PLXNA2: variants seen among roughly 807,000 people sequenced by gnomAD.
PLXNA2 encodes plexin A2.
PLXNA2 carries 91 observed loss-of-function variants against 193.5 expected under a neutral mutation model. The observed-to-expected ratio is 0.47, with a 90% confidence interval of 0.40 to 0.56. PLXNA2 has a LOEUF of 0.56. PLXNA2 is among the 20% of genes least tolerant of loss of function. PLXNA2 has a pLI of 0.00. For missense variants in PLXNA2, 1,995 were observed against 2,503.2 expected, an observed-to-expected ratio of 0.80 and a Z score of 4.33; for synonymous variants, 997 against 1,027.3, an observed-to-expected ratio of 0.97 and a Z score of 0.56.
chr1:208,194,941 T>C (rs1558238276), intron 3 of PLXNA2, among the ~76,000 whole-genome samples: 1 of 152,180 alleles, frequency 6.6e-6, no homozygotes, highest in Non-Finnish European at 1.5e-5. Flanking sequence ...AAAGGTGGTA[T>C]AAATACATAT....
At chr1:208,222,919 C>T (rs1380925562) in intron 1 of PLXNA2, among the ~76,000 whole-genome samples, 2 of 152,186 alleles carry the variant, frequency 1.3e-5, no homozygotes, top group South Asian at 2.1e-4. Flanking sequence ...TCAACATCAT[C>T]GTCACCTCCA....
chr1:208,163,807 T>C (rs1261940266), intron 3 of PLXNA2, among the ~76,000 whole-genome samples: 1 of 152,182 alleles, frequency 6.6e-6, no homozygotes, highest in Non-Finnish European at 1.5e-5. Flanking sequence ...ATCCTTTGTT[T>C]TGTTGAGTTT....
At chr1:208,041,613 G>GC (rs1664872914) in intron 22 of PLXNA2, among the ~76,000 whole-genome samples, 1 of 152,260 alleles carries the variant, frequency 6.6e-6, no homozygotes, top group Non-Finnish European at 1.5e-5. Context: ...TTAGAAAGCG[G>GC]CTAGGTGCTA....
At chr1:208,129,628 C>T (rs1668086986) in intron 4 of PLXNA2, among the ~76,000 whole-genome samples, 1 of 152,212 alleles carries the variant, frequency 6.6e-6, no homozygotes, top group South Asian at 2.1e-4. Context: ...TTTTATTCCA[C>T]TGGGTGAGCC....
intron 12 of PLXNA2, among the ~76,000 whole-genome samples, chr1:208,070,194 C>G (rs1160203931): frequency 6.6e-6 from 1 of 152,276 alleles, no homozygotes; most frequent in East Asian, 1.9e-4. Context: ...CTTCCCATCT[C>G]TGCAGCAGGC....
intron 3 of PLXNA2, among the ~76,000 whole-genome samples, chr1:208,181,237 C>T (rs2102547418): frequency 6.6e-6 from 1 of 152,296 alleles, no homozygotes; most frequent in East Asian, 1.9e-4. Context: ...GAGCCTTTTC[C>T]TTCTGAGCAA....
At chr1:208,224,686 T>C (rs1671458986) in intron 1 of PLXNA2, among the ~76,000 whole-genome samples, 1 of 152,014 alleles carries the variant, frequency 6.6e-6, no homozygotes, top group African/African-American at 2.4e-5. Context: ...GGCTATACCT[T>C]GCCCCAGAGT....
Position 208,045,436 on chromosome 1 carries a change from T to C in PLXNA2, c.3496-226A>G, listed in dbSNP as rs185618319. 1.1e-4 allele frequency among the ~76,000 whole-genome samples: 16 copies of C among 151,978 alleles called. No individual in the cohort carries two copies. The South Asian group carries it at 1.2e-3, about 12-fold the overall frequency. On this transcript the variant is annotated intron_variant, in intron 18 of 31. Transcript: ENST00000367033. ...AAAATGAAGAAGAGAGTGGGAAAAA[T>C]GCAGAGGAGACAAAACACTAAACAA...
At chr1:208,122,190 C>T (rs370612614) in intron 4 of PLXNA2, among the ~76,000 whole-genome samples, 26 of 152,276 alleles carry the variant, frequency 1.7e-4, no homozygotes, top group East Asian at 3.9e-4. Context: ...CACCCATAAA[C>T]GGCTATAAAT....
At chr1:208,208,110 T>C (rs1006297434) in intron 3 of PLXNA2, among the ~76,000 whole-genome samples, 1 of 152,264 alleles carries the variant, frequency 6.6e-6, no homozygotes, top group African/African-American at 2.4e-5. Context: ...CATGGAGATA[T>C]GGGGAAAGTC....
intron 8 of PLXNA2, among the ~76,000 whole-genome samples, chr1:208,093,948 C>A (rs1000361533): frequency 7.9e-5 from 12 of 152,200 alleles, no homozygotes; most frequent in African/African-American, 1.9e-4. Flanking sequence ...TCTGGCGCCA[C>A]CTGGTGGGGC....
chr1:208,165,096 T>G (rs931263832), intron 3 of PLXNA2, among the ~76,000 whole-genome samples: 1 of 152,152 alleles, frequency 6.6e-6, no homozygotes, highest in Non-Finnish European at 1.5e-5. Context: ...ATGTTGCCTC[T>G]TTTCTAAGGC....
chr1:208,047,234 T>C (rs1045085811), intron 17 of PLXNA2, among the ~76,000 whole-genome samples: 1 of 152,252 alleles, frequency 6.6e-6, no homozygotes, highest in African/African-American at 2.4e-5. Context: ...GTGCTAGGAT[T>C]ACAGGCCTGA....
intron 3 of PLXNA2, among the ~76,000 whole-genome samples, chr1:208,182,900 G>A (rs537998890): frequency 2.0e-5 from 3 of 152,236 alleles, no homozygotes; most frequent in South Asian, 2.1e-4. Context: ...AAAAGCCAAG[G>A]AGCCAAGATC....
At chr1:208,051,181 C>T in intron 16 of PLXNA2, 75 bp downstream of exon 16, 1 of 1,594,518 alleles carries the variant, frequency 6.3e-7, no homozygotes, top group South Asian at 1.1e-5. Flanking sequence ...AGGGATCCCT[C>T]TCATGAGCCA....
Position 208,084,565 on chromosome 1 carries a change from C to G in PLXNA2, c.2113G>C (p.Val705Leu). The change falls in exon 10 of 32, where the codon GTG (valine) becomes CTG (leucine). Residue 705 changes from valine to leucine, a missense_variant. Around this residue, in one of 3 missense-constraint regions of PLXNA2, gnomAD observed 1,291 missense variants for 1,673.6 expected, o/e 0.77. Coordinates refer to ENST00000367033, the MANE Select transcript of PLXNA2 (RefSeq NM_025179.4). Reference sequence around the variant, plus strand: ...GGAATCAAGATCTCCTCTGTGGGCACCAGCTGGGGACAGTCCTGGGGGAAC... The same window carrying G: ...GGAATCAAGATCTCCTCTGTGGGCAGCAGCTGGGGACAGTCCTGGGGGAAC... ...INISEDCPQL[V>L]PTEEILIPVG... 1.2e-6 allele frequency: 2 copies of G among 1,614,232 alleles called. No homozygotes were observed.
intron 3 of PLXNA2, among the ~76,000 whole-genome samples, chr1:208,156,072 C>A (rs1273013564): frequency 6.6e-6 from 1 of 152,134 alleles, no homozygotes; most frequent in Non-Finnish European, 1.5e-5. Context: ...AAATCCAAGT[C>A]CTGGGCATTT....
chr1:208,194,824 T>A (rs1670305170), intron 3 of PLXNA2, among the ~76,000 whole-genome samples: 1 of 152,220 alleles, frequency 6.6e-6, no homozygotes, highest in Non-Finnish European at 1.5e-5. Flanking sequence ...CTAGTATTCA[T>A]TCAGAATTTG....
chr1:208,111,743 C>T (rs548324175), intron 4 of PLXNA2, among the ~76,000 whole-genome samples: 4 of 152,282 alleles, frequency 2.6e-5, no homozygotes, highest in Admixed American at 2.6e-4. Context: ...AGTGTTAGAT[C>T]CATTTCTTTA....
Sources: allele counts gnomAD v4.1 joint callset (sites outside exome capture counted in the v4.1 genomes callset), GRCh38; gene constraint gnomAD v4.1.1; regional missense constraint gnomAD v4.1.1; transcripts MANE v1.5; gene names NCBI Gene and HGNC (gene_info 2026-07-23, HGNC 2026-07-21).